TRAT1: variants seen among roughly 807,000 people sequenced by gnomAD.
TRAT1 encodes T cell receptor associated transmembrane adaptor 1, also known as T-cell receptor-associated transmembrane adapter 1.
In TRAT1, 20 loss-of-function variants were observed where a neutral mutation model predicts 20.0. That is an observed-to-expected ratio of 1.00 (90% confidence interval 0.70 to 1.45). The LOEUF is 1.45. Among genes scored for constraint, TRAT1 ranks in the 40% most tolerant of loss-of-function variants. The probability of loss-of-function intolerance (pLI) is 0.00; values close to 1 mark genes in which losing one functional copy is unlikely to be tolerated. For synonymous variants in TRAT1, 77 were observed against 74.2 expected, an observed-to-expected ratio of 1.04 and a Z score of -0.20; for missense variants, 237 against 224.1, an observed-to-expected ratio of 1.06 and a Z score of -0.37.
intron 2 of TRAT1, among the ~76,000 whole-genome samples, chr3:108,834,936 T>C (rs189031356): frequency 6.6e-6 from 1 of 152,350 alleles, no homozygotes; most frequent in African/African-American, 2.4e-5. Flanking sequence ...TTCAAATCTG[T>C]TCTTTAGGAG....
intron 1 of TRAT1, among the ~76,000 whole-genome samples, chr3:108,829,612 C>CACACACACACACACAT (rs1347031434): frequency 6.6e-6 from 1 of 151,856 alleles, no homozygotes; most frequent in Non-Finnish European, 1.5e-5. Context: ...CACACACACA[C>CACACACACACACACAT]ACACAACGTT....
intron 2 of TRAT1, among the ~76,000 whole-genome samples, chr3:108,836,628 T>C (rs941124097): frequency 6.6e-6 from 1 of 152,226 alleles, no homozygotes; most frequent in East Asian, 1.9e-4. Context: ...TGGCTTGTTA[T>C]ATAATATGTA....
chr3:108,838,372 A>C (rs1220822548), intron 2 of TRAT1, among the ~76,000 whole-genome samples: 2 of 151,014 alleles, frequency 1.3e-5, no homozygotes, highest in African/African-American at 4.9e-5. Context: ...ATAGATAGAT[A>C]GATAGATAGA....
rs1344395683 is a variant in TRAT1 at position 108,826,636 on chromosome 3, G to A, written c.7+3702G>A. On this transcript the variant is annotated intron_variant, in intron 1 of 5. Coordinates refer to ENST00000295756, the MANE Select transcript of TRAT1 (RefSeq NM_016388.4). Reference sequence around the variant, plus strand: ...ACTCATTTTATAAGTAGACTCATGGGGATCATAATACTGCTATTGAGATTT... The same window carrying A: ...ACTCATTTTATAAGTAGACTCATGGAGATCATAATACTGCTATTGAGATTT... 2.0e-5 allele frequency among the ~76,000 whole-genome samples: 3 copies of A among 151,976 alleles called. No homozygotes were observed. In the East Asian group the frequency reaches 5.8e-4, roughly 29 times the overall value.
chr3:108,838,479 T>A (rs1385169656), intron 2 of TRAT1, among the ~76,000 whole-genome samples: 2 of 152,080 alleles, frequency 1.3e-5, no homozygotes, highest in African/African-American at 4.8e-5. Flanking sequence ...TCAAACCACA[T>A]GGGCAAAGAT....
At chr3:108,838,356 T>TGATAGATA (rs11371183) in intron 2 of TRAT1, among the ~76,000 whole-genome samples, 2,144 of 76,978 alleles carry the variant, frequency 0.028, 17 homozygotes, top group East Asian at 0.031. Flanking sequence ...TATAGATAGA[T>TGATAGATA]GATAGATAGA....
At chr3:108,839,937 T>A (rs1020161921) in intron 3 of TRAT1, among the ~76,000 whole-genome samples, 4 of 152,040 alleles carry the variant, frequency 2.6e-5, no homozygotes, top group Non-Finnish European at 4.4e-5. Context: ...GTCAATGTAT[T>A]GGAGATTTCT....
At chr3:108,828,038 C>G (rs1945757594) in intron 1 of TRAT1, among the ~76,000 whole-genome samples, 1 of 152,108 alleles carries the variant, frequency 6.6e-6, no homozygotes, top group Non-Finnish European at 1.5e-5. Context: ...AGCAAAACTT[C>G]TATTTGAAAT....
At chr3:108,852,367 G>A (rs1489930064) in intron 5 of TRAT1, among the ~76,000 whole-genome samples, 1 of 149,390 alleles carries the variant, frequency 6.7e-6, no homozygotes, top group African/African-American at 2.5e-5. Flanking sequence ...GGTGACAAGA[G>A]CGAAAGTCCA....
chr3:108,837,464 C>A (rs183749694), intron 2 of TRAT1, among the ~76,000 whole-genome samples: 160 of 152,264 alleles, frequency 1.1e-3, no homozygotes, highest in African/African-American at 3.5e-3. Context: ...CAGTTAATAA[C>A]CTCTCTGGAG....
Position 108,822,812 on chromosome 3 carries a change from T to C in TRAT1, c.-116T>C. 1.3e-6 allele frequency: 1 copy of C among 799,896 alleles called. No individual in the cohort carries two copies. Among genetic ancestry groups the C allele is most frequent in the Non-Finnish European group, 2.1e-6 (1 of 479,174 alleles). The allele number at this position is 799,896 out of a possible 1,614,324, so 49.5% of individuals were successfully genotyped here. A position where few individuals can be genotyped will look rare whatever the true frequency, so the allele number is the denominator to read the frequency against. On this transcript the variant is annotated 5_prime_UTR_variant, in exon 1 of 6. Transcript: ENST00000295756. ...GCACAGATAAAGATAAGTTTTACTGTCATGCTGCTTTTAACATAACAGAGC... is the reference window on the plus strand; with the variant it reads ...GCACAGATAAAGATAAGTTTTACTGCCATGCTGCTTTTAACATAACAGAGC...
Position 108,830,749 on chromosome 3 carries a change from T to C in TRAT1, c.87T>C (p.Asn29=). 1 of 1,613,666 alleles carries C rather than the reference T, an allele frequency of 6.2e-7. No individual in the cohort carries two copies. The highest frequency in any genetic ancestry group is 1.3e-5 in the African/African-American group (1 of 75,050). ...CTTTGGTTATATCACTGATCTTCAA[T>C]ATTTCCCACTATGTGGAAAAGCAAC... ...GLALVISLIF[N]ISHYVEKQRQ... The change falls in exon 2 of 6, where the codon AAT becomes AAC. Residue 29 remains asparagine, a synonymous_variant. Coordinates refer to ENST00000295756, the MANE Select transcript of TRAT1 (RefSeq NM_016388.4).
At chr3:108,844,860 A>AG (rs1945927493) in intron 3 of TRAT1, among the ~76,000 whole-genome samples, 2 of 147,832 alleles carry the variant, frequency 1.4e-5, no homozygotes, top group South Asian at 2.1e-4. Context: ...AAAAAAAAAA[A>AG]AAAAAAAAAG....
intron 1 of TRAT1, among the ~76,000 whole-genome samples, chr3:108,829,490 A>G (rs1945770953): frequency 6.6e-6 from 1 of 151,976 alleles, no homozygotes; most frequent in Non-Finnish European, 1.5e-5. Context: ...AGGCTGAGAC[A>G]GCAGAATTGC....
At chr3:108,849,126 A>G (rs1490919196) in intron 4 of TRAT1, 40 bp from the exon 5 acceptor site, 1 of 1,553,584 alleles carries the variant, frequency 6.4e-7, no homozygotes. Flanking sequence ...TAGTATTTTT[A>G]AATTTTCTAT....
At chr3:108,843,812 G>A (rs1021216141) in intron 3 of TRAT1, among the ~76,000 whole-genome samples, 2 of 152,116 alleles carry the variant, frequency 1.3e-5, no homozygotes, top group Admixed American at 1.3e-4. Context: ...TTGACACCCT[G>A]ACACTCTCTA....
At chr3:108,829,586 AACACACACAC>A (rs144318236) in intron 1 of TRAT1, among the ~76,000 whole-genome samples, 9 of 142,474 alleles carry the variant, frequency 6.3e-5, no homozygotes, top group African/African-American at 2.4e-4. Flanking sequence ...TCCATCTCAA[AACACACACAC>A]ACACACACAC....
chr3:108,823,085 AT>A, intron 1 of TRAT1, 151 bp downstream of exon 1: 2 of 125,710 alleles, frequency 1.6e-5, no homozygotes, highest in Admixed American at 1.7e-4. Context: ...ATTTTGAAAC[AT>A]GTTAATGAGT....
intron 1 of TRAT1, among the ~76,000 whole-genome samples, chr3:108,827,065 C>G (rs902914326): frequency 1.2e-4 from 18 of 152,262 alleles, no homozygotes; most frequent in African/African-American, 3.8e-4. Flanking sequence ...TGGAGAGAAA[C>G]TTAAATCATG....
Sources: gnomAD v4.1 joint callset for allele counts (sites outside exome capture counted in the v4.1 genomes callset) on GRCh38, gnomAD v4.1.1 for gene constraint, MANE v1.5 for transcripts, NCBI Gene and HGNC (gene_info 2026-07-23, HGNC 2026-07-21) for gene names.